Variants in IRS1 observed in about 807,000 individuals in gnomAD.
IRS1 encodes the protein insulin receptor substrate 1.
Under a neutral mutation model 65.6 loss-of-function variants are expected in IRS1, and 34 were observed. That is an observed-to-expected ratio of 0.52 (90% CI 0.39 to 0.69). The LOEUF (loss-of-function observed/expected upper bound fraction) is 0.69, where lower values mean the gene tolerates loss of function less well. Among genes scored for constraint, IRS1 ranks in the 30% least tolerant of loss-of-function variants. The pLI is 0.00. For missense variants in IRS1, 1,641 were observed against 1,720.2 expected (o/e 0.95, Z 0.81); for synonymous variants, 699 against 683.5 (o/e 1.02, Z -0.35).
chr2:226,756,790 C>T (rs112063033), intron 1 of IRS1, among the ~76,000 whole-genome samples: 12,280 of 151,876 alleles, frequency 0.081, 872 homozygotes, highest in African/African-American at 0.19. Flanking sequence ...GATGAAACCC[C>T]GTCTCTACTA....
intron 1 of IRS1, among the ~76,000 whole-genome samples, chr2:226,754,085 C>T (rs562870936): frequency 1.3e-5 from 2 of 152,278 alleles, no homozygotes; most frequent in East Asian, 3.9e-4. Flanking sequence ...AACTCCTGGG[C>T]TCAAGTGATC....
rs1052599701 is a variant in IRS1, at chr2:226,794,952, C to T, written c.*21+37G>A. ...CAGAATTCAAGGACAAGGTTAAAAG[C>T]AGTTTTGTCTTCTGACTTTGTCACC... On this transcript the variant is annotated intron_variant, in intron 1 of 1. Transcript: ENST00000305123. This position sits in a 1 kb window ranked among gnomAD's most constrained non-coding sequence, Gnocchi z 4.1. 7.7e-6 allele frequency: 12 copies of T among 1,559,832 alleles called. No homozygotes were observed. The African/African-American group carries it at 1.1e-4, about 14-fold the overall frequency.
Position 226,796,271 on chromosome 2 carries a change from G to A in IRS1, c.2468C>T (p.Ala823Val), listed in dbSNP as rs1939721682. The stretch of plus-strand genomic sequence containing the variant: ...ATGTGGAAGGCTGGGCTCCAGCCTA[G>A]CCCCGCAGTATCCCCCACCCAGGCT... Reference protein sequence around the residue: ...SDSLGGGYCGARLEPSLPHPH... With the variant: ...SDSLGGGYCGVRLEPSLPHPH... Residue 823 changes from alanine to valine, a missense_variant, in exon 1 of 2, where the codon GCT becomes GTT. By Grantham distance (64) the Ala-to-Val change is moderately conservative. This residue lies in a region of IRS1 where 1,324 missense variants were observed against 1,361.0 expected (regional missense o/e 0.97). Transcript: ENST00000305123. 1 of 1,613,488 alleles carries A rather than the reference G, an allele frequency of 6.2e-7. No homozygotes were observed. The highest frequency in any genetic ancestry group is 8.5e-7 in the Non-Finnish European group (1 of 1,180,036).
Position 226,799,562 on chromosome 2 carries a change from G to A in IRS1, c.-824C>T, listed in dbSNP as rs1939848084. On this transcript the variant is annotated 5_prime_UTR_variant, in exon 1 of 2. Transcript: ENST00000305123. The surrounding 1 kb of genome is among the most constrained non-coding windows in gnomAD (Gnocchi z 6.1). Reference sequence around the variant, plus strand: ...TCCAGGCGGCTGGGGAGGAGGGGAGGGGACAAGGGCGAGAGGGGATGGGGG... The same window carrying A: ...TCCAGGCGGCTGGGGAGGAGGGGAGAGGACAAGGGCGAGAGGGGATGGGGG... The A allele has an allele frequency of 9.4e-7, 1 of 1,064,078 alleles. No individual in the cohort carries two copies. Among genetic ancestry groups the A allele is most frequent in the Non-Finnish European group, 1.2e-6 (1 of 867,232 alleles). 65.9% of individuals were successfully genotyped at this position (1,064,078 alleles called of 1,614,324 possible).
At chr2:226,782,702 T>C (rs1391395463) in intron 1 of IRS1, among the ~76,000 whole-genome samples, 1 of 152,214 alleles carries the variant, frequency 6.6e-6, no homozygotes, top group Non-Finnish European at 1.5e-5. Flanking sequence ...TGAGGACTGT[T>C]ACAAAGTGTA....
At chr2:226,763,426 A>G (rs1938960144) in intron 1 of IRS1, among the ~76,000 whole-genome samples, 1 of 149,160 alleles carries the variant, frequency 6.7e-6, no homozygotes, top group South Asian at 2.1e-4. Context: ...ATCCACAAAA[A>G]CTGCCATTCA....
rs1200795024 is a variant in IRS1 at position 226,799,664 on chromosome 2, T to C, written c.-926A>G. The C allele has an allele frequency of 2.1e-6, 2 of 966,270 alleles. No individual in the cohort carries two copies. The highest frequency in any genetic ancestry group is 2.5e-6 in the Non-Finnish European group (2 of 800,412). The allele number at this position is 966,270 out of a possible 1,614,324, so 59.9% of individuals were successfully genotyped here. On this transcript the variant is annotated 5_prime_UTR_variant, in exon 1 of 2. Coordinates refer to ENST00000305123, the MANE Select transcript of IRS1 (RefSeq NM_005544.3). The surrounding 1 kb of genome is among the most constrained non-coding windows in gnomAD (Gnocchi z 6.1). ...CTGCAGTTACTTCTCCCCTCCTCCC[T>C]CCTCCTCCTCCTCCTCGGAGAGTTG... is the stretch of plus-strand genomic sequence containing the variant.
intron 1 of IRS1, among the ~76,000 whole-genome samples, chr2:226,753,248 C>A (rs893099755): frequency 6.6e-6 from 1 of 152,166 alleles, no homozygotes; most frequent in African/African-American, 2.4e-5. Flanking sequence ...TGCCAAATTA[C>A]CACTGTTTTA....
At chr2:226,792,480 C>T (rs1451677205) in intron 1 of IRS1, 1 of 152,350 alleles carries the variant, frequency 6.6e-6, no homozygotes, top group East Asian at 1.9e-4. Context: ...AGAAAACGAG[C>T]AAGCCAGAAC....
At chr2:226,751,271 G>A (rs1346118559) in intron 1 of IRS1, among the ~76,000 whole-genome samples, 1 of 139,730 alleles carries the variant, frequency 7.2e-6, no homozygotes, top group Non-Finnish European at 1.5e-5. Flanking sequence ...ACTCCACACG[G>A]GTATTTTTTT....
intron 1 of IRS1, among the ~76,000 whole-genome samples, chr2:226,761,883 T>G (rs539905415): frequency 6.6e-6 from 1 of 152,232 alleles, no homozygotes; most frequent in African/African-American, 2.4e-5. Flanking sequence ...CAGGTGGCAT[T>G]ATGTTCCATC....
At position 226,796,350 on chromosome 2, in the gene IRS1, G is replaced by T; in HGVS notation, c.2389C>A (p.Arg797Ser). ...TCTGCTGTTGCAGCATAGAGAAGGCGACCAGAGCTAGTGGAAAGGCGGAGG... is the reference window on the plus strand; with the variant it reads ...TCTGCTGTTGCAGCATAGAGAAGGCTACCAGAGCTAGTGGAAAGGCGGAGG... ...QHLRLSTSSG[R>S]LLYAATADDS... The change falls in exon 1 of 2, where the codon CGC (arginine) becomes AGC (serine). Residue 797 changes from arginine (R) to serine (S), a missense_variant. By Grantham distance (110) the Arg-to-Ser change is moderately radical. Coordinates refer to ENST00000305123, the MANE Select transcript of IRS1 (RefSeq NM_005544.3). 1 of 1,613,290 alleles carries T rather than the reference G, an allele frequency of 6.2e-7. No homozygotes were observed. The highest frequency in any genetic ancestry group is 8.5e-7 in the Non-Finnish European group (1 of 1,180,026).
chr2:226,778,444 T>C (rs1343467703), intron 1 of IRS1, among the ~76,000 whole-genome samples: 1 of 152,046 alleles, frequency 6.6e-6, no homozygotes, highest in African/African-American at 2.4e-5. Flanking sequence ...TCTTTACTTG[T>C]AAAATACACA....
In IRS1 at chr2:226,796,658, C is replaced by T; in HGVS notation, c.2081G>A (p.Ser694Asn). 1 of 1,613,954 alleles carries T rather than the reference C, an allele frequency of 6.2e-7. No homozygotes were observed. The highest frequency in any genetic ancestry group is 1.3e-5 in the African/African-American group (1 of 75,024). The change falls in exon 1 of 2, where the codon AGC (serine) becomes AAC (asparagine). Residue 694 changes from serine (S) to asparagine (N), a missense_variant. By Grantham distance (46) the Ser-to-Asn change is conservative. Coordinates refer to ENST00000305123, the MANE Select transcript of IRS1 (RefSeq NM_005544.3). ...SSSNAVPSGT[S>N]YGKLWTNGVG... Reference sequence around the variant, plus strand: ...CCCGTTTGTCCACAGCTTTCCATAGCTGGTCCCGGAAGGGACGGCGTTGCT... The same window carrying T: ...CCCGTTTGTCCACAGCTTTCCATAGTTGGTCCCGGAAGGGACGGCGTTGCT...
intron 1 of IRS1, among the ~76,000 whole-genome samples, chr2:226,743,763 T>C (rs1938486901): frequency 6.6e-6 from 1 of 152,188 alleles, no homozygotes; most frequent in South Asian, 2.1e-4. Flanking sequence ...TTTGTAATGG[T>C]CAGATTACAG....
At chr2:226,761,351 G>C (rs950301737) in intron 1 of IRS1, among the ~76,000 whole-genome samples, 4 of 152,182 alleles carry the variant, frequency 2.6e-5, no homozygotes, top group Middle Eastern at 3.4e-3. Flanking sequence ...ACTACAGGGG[G>C]CACTATTTAC....
chr2:226,795,375 C>T lies in IRS1; in HGVS notation c.3364G>A (p.Gly1122Arg). ...RVGNTVPFGA[G>R]AAVGGGGGSS... ...CCGCCACCGCCCCCTACTGCTGCCC[C>T]CGCTCCAAAGGGCACTGTGTTGCCC... is the stretch of plus-strand genomic sequence containing the variant. Residue 1122 changes from glycine to arginine, a missense_variant, in exon 1 of 2, where the codon GGG becomes AGG. Gly to Arg is a moderately radical substitution (Grantham distance 125). This residue lies in a region of IRS1 where 1,324 missense variants were observed against 1,361.0 expected (regional missense o/e 0.97). Transcript: ENST00000305123. 2 of 1,613,168 alleles carry T rather than the reference C, an allele frequency of 1.2e-6. No individual in the cohort carries two copies. The highest frequency in any genetic ancestry group is 1.7e-6 in the Non-Finnish European group (2 of 1,179,966).
chr2:226,765,751 T>C (rs1487973556), intron 1 of IRS1, among the ~76,000 whole-genome samples: 1 of 152,142 alleles, frequency 6.6e-6, no homozygotes, highest in Non-Finnish European at 1.5e-5. Flanking sequence ...AAAAGAACTA[T>C]GCAGGATGTC....
chr2:226,793,433 ATCTT>A (rs1043441530), intron 1 of IRS1, among the ~76,000 whole-genome samples: 30 of 152,238 alleles, frequency 2.0e-4, no homozygotes, highest in African/African-American at 4.1e-4. Context: ...ACACAATTAA[ATCTT>A]TCTTCTAGTG....
Sources: allele counts gnomAD v4.1 joint callset (sites outside exome capture counted in the v4.1 genomes callset), GRCh38; gene constraint gnomAD v4.1.1; regional missense constraint gnomAD v4.1.1; non-coding constraint Gnocchi (gnomAD v3.1); transcripts MANE v1.5; gene names NCBI Gene and HGNC (gene_info 2026-07-23, HGNC 2026-07-21).